The following ACACA variants were observed in gnomAD, a reference collection of about 807,000 sequenced individuals.
ACACA encodes the protein acetyl-CoA carboxylase 1.
Under a neutral mutation model 296.1 loss-of-function variants are expected in ACACA, and 103 were observed. That is an observed-to-expected ratio of 0.35 (90% confidence interval 0.30 to 0.41). The LOEUF (loss-of-function observed/expected upper bound fraction) is 0.41. Among genes scored for constraint, ACACA ranks in the 10% least tolerant of loss-of-function variants. ACACA has a pLI of 1.00. For missense variants in ACACA, 1,554 were observed against 2,989.7 expected, an observed-to-expected ratio of 0.52 and a Z score of 11.20; for synonymous variants, 953 against 1,038.6, an observed-to-expected ratio of 0.92 and a Z score of 1.58.
At chr17:37,335,376 C>G (rs1347104332) in intron 2 of ACACA, among the ~76,000 whole-genome samples, 1 of 152,170 alleles carries the variant, frequency 6.6e-6, no homozygotes, top group Non-Finnish European at 1.5e-5. Flanking sequence ...CAAACCTCAC[C>G]TGTGTAAAAT....
chr17:37,225,826 C>T (rs192070769), intron 26 of ACACA, among the ~76,000 whole-genome samples: 44 of 152,358 alleles, frequency 2.9e-4, no homozygotes, highest in Non-Finnish European at 5.7e-4. Flanking sequence ...CAACTCTTGG[C>T]TTCCCTGCTG....
chr17:37,127,775 C>T (rs1038734902), intron 47 of ACACA, among the ~76,000 whole-genome samples: 1 of 145,596 alleles, frequency 6.9e-6, no homozygotes, highest in African/African-American at 2.6e-5. Context: ...ACCTGGGAGG[C>T]GGAGGTTGCA....
At chr17:37,210,209 C>A (rs1479679627) in intron 30 of ACACA, among the ~76,000 whole-genome samples, 1 of 152,142 alleles carries the variant, frequency 6.6e-6, no homozygotes, top group East Asian at 1.9e-4. Flanking sequence ...GGCAGATAAA[C>A]CCCCTATCAT....
intron 45 of ACACA, among the ~76,000 whole-genome samples, chr17:37,146,187 T>G (rs2075798806): frequency 6.6e-6 from 1 of 152,156 alleles, no homozygotes; most frequent in Non-Finnish European, 1.5e-5. Context: ...AAGCAAAAGA[T>G]AGGAAGGTGT....
chr17:37,214,320 C>G (rs2078890208), intron 29 of ACACA, among the ~76,000 whole-genome samples: 1 of 152,178 alleles, frequency 6.6e-6, no homozygotes, highest in Non-Finnish European at 1.5e-5. Flanking sequence ...GTTCAGATGC[C>G]CTGAGTCTAC....
chr17:37,245,040 A>G (rs1335377317), intron 20 of ACACA, 40 bp downstream of exon 20: 1 of 1,613,906 alleles, frequency 6.2e-7, no homozygotes. Context: ...CAAGTTCTTT[A>G]GCTCTTAGAG....
At chr17:37,389,146 GA>G (rs1281493185) in intron 1 of ACACA, 4 of 1,405,490 alleles carry the variant, frequency 2.8e-6, no homozygotes, top group Non-Finnish European at 3.8e-6. Flanking sequence ...ATTTTATTTA[GA>G]AGAGATGGCT....
Position 37,325,786 on chromosome 17 carries a change from C to A in ACACA, c.338+4387G>T, listed in dbSNP as rs533361937. Among the ~76,000 whole-genome samples the A allele has an allele frequency of 9.9e-5, 15 of 151,896 alleles. No individual in the cohort carries two copies. In the South Asian group the frequency reaches 3.1e-3, roughly 32 times the overall value. Reference sequence around the variant, plus strand: ...ATGGGGTTTCTCCATGTTGGTCAGGCTGGTCTTGAACTGCTGACTTCAGGT... The same window carrying A: ...ATGGGGTTTCTCCATGTTGGTCAGGATGGTCTTGAACTGCTGACTTCAGGT... On this transcript the variant is annotated intron_variant, in intron 3 of 55. Coordinates refer to ENST00000616317, the MANE Select transcript of ACACA (RefSeq NM_198834.3).
At chr17:37,267,417 G>A (rs2081836357) in intron 10 of ACACA, among the ~76,000 whole-genome samples, 1 of 152,150 alleles carries the variant, frequency 6.6e-6, no homozygotes, top group South Asian at 2.1e-4. Flanking sequence ...CTCTTCACAT[G>A]GTAGTCTGAG....
intron 2 of ACACA, among the ~76,000 whole-genome samples, chr17:37,338,603 G>A (rs1337022273): frequency 6.6e-6 from 1 of 151,238 alleles, no homozygotes; most frequent in Non-Finnish European, 1.5e-5. Context: ...GCGAGACTCT[G>A]TCTCAAAAAA....
chr17:37,344,032 C>A (rs548592629), intron 1 of ACACA, among the ~76,000 whole-genome samples: 1 of 148,714 alleles, frequency 6.7e-6, no homozygotes, highest in African/African-American at 2.5e-5. Flanking sequence ...CCTAAATATA[C>A]AATTACAGTA....
At chr17:37,398,879 G>A (rs545766885) in intron 1 of ACACA, among the ~76,000 whole-genome samples, 10 of 139,828 alleles carry the variant, frequency 7.2e-5, no homozygotes, top group South Asian at 7.1e-4. Flanking sequence ...CTACTGCATC[G>A]GGCTTTCATC....
chr17:37,280,337 TAGCTGAG>T (rs2146537409), intron 5 of ACACA, among the ~76,000 whole-genome samples: 1 of 152,080 alleles, frequency 6.6e-6, no homozygotes, highest in East Asian at 1.9e-4. Context: ...GCCTCCGGAG[TAGCTGAG>T]ACTACCGGCA....
intron 3 of ACACA, among the ~76,000 whole-genome samples, chr17:37,312,412 C>T (rs539979996): frequency 6.6e-6 from 1 of 152,186 alleles, no homozygotes; most frequent in Non-Finnish European, 1.5e-5. Context: ...ATTACATAAT[C>T]TCTCTGAGCC....
chr17:37,173,979 A>AATTT (rs1358704887), intron 41 of ACACA, among the ~76,000 whole-genome samples: 1 of 41,854 alleles, frequency 2.4e-5, no homozygotes, highest in Non-Finnish European at 5.0e-5. Flanking sequence ...ACGCCTGGCT[A>AATTT]ATTTATATAT....
chr17:37,308,818 T>C (rs542594196), intron 3 of ACACA, among the ~76,000 whole-genome samples: 2 of 152,188 alleles, frequency 1.3e-5, no homozygotes, highest in South Asian at 2.1e-4. Context: ...ACGCCTGTAA[T>C]CCTAGCTACT....
intron 1 of ACACA, among the ~76,000 whole-genome samples, chr17:37,384,693 T>C (rs2050452202): frequency 1.3e-5 from 2 of 152,256 alleles, no homozygotes; most frequent in Non-Finnish European, 2.9e-5. Context: ...AAAATGTTCT[T>C]GTTTTTTCTT....
chr17:37,282,997 G>A (rs1375544169), intron 5 of ACACA, among the ~76,000 whole-genome samples: 1 of 152,130 alleles, frequency 6.6e-6, no homozygotes, highest in Non-Finnish European at 1.5e-5. Context: ...CACTGAAAAA[G>A]GCATACACTT....
chr17:37,305,949 C>T (rs2083865050), intron 3 of ACACA, among the ~76,000 whole-genome samples: 2 of 147,458 alleles, frequency 1.4e-5, no homozygotes, highest in Admixed American at 6.8e-5. Context: ...TGTTCTGTCG[C>T]CCGGGCTGGA....
Sources: allele counts gnomAD v4.1 joint callset (sites outside exome capture counted in the v4.1 genomes callset), GRCh38; gene constraint gnomAD v4.1.1; transcripts MANE v1.5; gene names NCBI Gene and HGNC (gene_info 2026-07-23, HGNC 2026-07-21).